Variants in STK24 observed in about 807,000 individuals in gnomAD.
STK24 encodes serine/threonine-protein kinase 24.
STK24 carries 21 observed loss-of-function variants against 55.6 expected under a neutral mutation model. That is an observed-to-expected ratio of 0.38 (90% CI 0.27 to 0.54). STK24 has a LOEUF of 0.54. Among genes scored for constraint, STK24 ranks in the 20% least tolerant of loss-of-function variants. STK24 has a pLI of 0.79. For synonymous variants in STK24, 200 were observed against 215.2 expected (o/e 0.93, Z 0.62); for missense variants, 383 against 538.4 (o/e 0.71, Z 2.86).
At chr13:98,551,254 C>G (rs1266432479) in intron 1 of STK24, among the ~76,000 whole-genome samples, 4 of 150,676 alleles carry the variant, frequency 2.7e-5, no homozygotes, top group African/African-American at 7.4e-5. Flanking sequence ...CCACTGCACT[C>G]TAGCCTGGGC....
chr13:98,540,972 C>A (rs1896872947), intron 1 of STK24, among the ~76,000 whole-genome samples: 1 of 152,082 alleles, frequency 6.6e-6, no homozygotes, highest in Admixed American at 6.5e-5. Context: ...TATTGGGCAT[C>A]TGAAGGAACT....
intron 1 of STK24, among the ~76,000 whole-genome samples, chr13:98,569,852 G>GA (rs56223563): frequency 0.18 from 24,687 of 136,388 alleles, 2,470 homozygotes; most frequent in Non-Finnish European, 0.24. Context: ...CTGAAACCAG[G>GA]AAAAAAAAAA....
intron 2 of STK24, among the ~76,000 whole-genome samples, chr13:98,508,430 G>A (rs532727673): frequency 1.3e-5 from 2 of 152,320 alleles, no homozygotes; most frequent in South Asian, 2.1e-4. Flanking sequence ...TAAACAGCAA[G>A]AGTATTTGCC....
intron 1 of STK24, among the ~76,000 whole-genome samples, chr13:98,562,175 C>A (rs1397990110): frequency 1.3e-5 from 2 of 152,024 alleles, no homozygotes; most frequent in Non-Finnish European, 2.9e-5. Flanking sequence ...AATGTGTGTA[C>A]GCAGACAACT....
chr13:98,572,326 C>T (rs189423611), intron 1 of STK24, among the ~76,000 whole-genome samples: 33 of 152,258 alleles, frequency 2.2e-4, no homozygotes, highest in Non-Finnish European at 4.1e-4. Flanking sequence ...TCCGAACCCA[C>T]GTCTCGGATG....
At chr13:98,462,014 TC>T in intron 7 of STK24, 117 bp from the exon 8 acceptor site, 1 of 1,286,966 alleles carries the variant, frequency 7.8e-7, no homozygotes, top group Non-Finnish European at 1.1e-6. Flanking sequence ...CAGCCCCAAG[TC>T]CCCACCCATC....
chr13:98,532,815 C>T (rs1486832962), intron 1 of STK24, among the ~76,000 whole-genome samples: 5 of 152,318 alleles, frequency 3.3e-5, no homozygotes, highest in African/African-American at 1.2e-4. Context: ...GTAAGTTCTT[C>T]CTAGTCTGTG....
In STK24 at chr13:98,474,810, C is replaced by G. The variant is rs1361168254; in HGVS notation, c.597+11G>C. 6.2e-7 allele frequency: 1 copy of G among 1,604,326 alleles called. No homozygotes were observed. Among genetic ancestry groups the G allele is most frequent in the African/African-American group, 1.3e-5 (1 of 74,604 alleles). ...TCGTGAGGCACGGCGCCGCCCTCAC[C>G]CTCCCCTCACCTTCGAGTCATAGGC... On this transcript the variant is annotated intron_variant, in intron 5 of 10. Coordinates refer to ENST00000539966, the MANE Select transcript of STK24 (RefSeq NM_001032296.4).
intron 1 of STK24, among the ~76,000 whole-genome samples, chr13:98,564,496 A>C (rs61392283): frequency 0.032 from 4,890 of 152,314 alleles, 240 homozygotes; most frequent in African/African-American, 0.11. Flanking sequence ...GGAGGAGCAC[A>C]GGGAGCTGAG....
At chr13:98,509,904 AC>A (rs1461046762) in intron 2 of STK24, among the ~76,000 whole-genome samples, 1 of 152,184 alleles carries the variant, frequency 6.6e-6, no homozygotes, top group Non-Finnish European at 1.5e-5. Flanking sequence ...AGGACAGAGG[AC>A]TGCCTCCTGC....
rs185305691 is a variant in STK24 at position 98,496,229 on chromosome 13, T to A, written c.274-13908A>T. Among the ~76,000 whole-genome samples, 42 of 152,192 alleles carry A rather than the reference T, an allele frequency of 2.8e-4. No homozygotes were observed. In the East Asian group the frequency reaches 7.3e-3, roughly 27 times the overall value. On this transcript the variant is annotated intron_variant, in intron 2 of 10. Transcript: ENST00000539966. ...AAGCATGCTCGTAAGAACCAGAGAA[T>A]CCTCATGTTTGGAATAAACAAGTCA...
chr13:98,538,894 C>T (rs913850472), intron 1 of STK24, among the ~76,000 whole-genome samples: 2 of 152,164 alleles, frequency 1.3e-5, no homozygotes, highest in Non-Finnish European at 2.9e-5. Flanking sequence ...CTGAGAAAAC[C>T]ACAGAAAAGA....
intron 1 of STK24, among the ~76,000 whole-genome samples, chr13:98,574,106 G>A (rs920387343): frequency 2.0e-5 from 3 of 152,126 alleles, no homozygotes; most frequent in African/African-American, 7.2e-5. Flanking sequence ...CCGCCTCCCG[G>A]GTTCAAGTGA....
rs1893274585 is a variant in STK24 at position 98,453,114 on chromosome 13, AAAG to A, written c.*56_*58del. ...GCGAAGGCTCTCGTTGACTTTTAAA[AAAG>A]GAGGAGGATGAAGAAGGAAAAAAGG... On this transcript the variant is annotated 3_prime_UTR_variant, in exon 11 of 11. Transcript: ENST00000539966. The A allele has an allele frequency of 8.8e-6, 14 of 1,599,282 alleles. No homozygotes were observed. Among genetic ancestry groups the A allele is most frequent in the Middle Eastern group, 1.8e-4 (1 of 5,624 alleles).
rs1399623240 is a variant in STK24 at position 98,446,656 on chromosome 13, C to T, written c.*6517G>A. On this transcript the variant is annotated 3_prime_UTR_variant, in exon 11 of 11. Coordinates refer to ENST00000539966, the MANE Select transcript of STK24 (RefSeq NM_001032296.4). ...CCGAAAAGCCACTTTGCTTTGTTTC[C>T]CCTTTCCAGGACAATCATCCCCTTG... The T allele has an allele frequency of 1.2e-6, 2 of 1,613,740 alleles. No individual in the cohort carries two copies. Among genetic ancestry groups the T allele is most frequent in the South Asian group, 2.2e-5 (2 of 91,050 alleles).
chr13:98,499,725 G>A (rs1895378171), intron 2 of STK24, among the ~76,000 whole-genome samples: 1 of 152,160 alleles, frequency 6.6e-6, no homozygotes, highest in Non-Finnish European at 1.5e-5. Flanking sequence ...CGGAAGCACT[G>A]GAAGCCCTGA....
Position 98,476,247 on chromosome 13 carries a change from C to CG in STK24, c.331-890_331-889insC, listed in dbSNP as rs1011411960. Reference sequence around the variant, plus strand: ...CTTCAAACCAGACGGGAAGCCCCCCCCCGCCCCCTGCAGAGTGGGGCAGTC... The same window carrying CG: ...CTTCAAACCAGACGGGAAGCCCCCCCGCCGCCCCCTGCAGAGTGGGGCAGTC... On this transcript the variant is annotated intron_variant, in intron 3 of 10. Coordinates refer to ENST00000539966, the MANE Select transcript of STK24 (RefSeq NM_001032296.4). Among the ~76,000 whole-genome samples the CG allele has an allele frequency of 3.5e-3, 514 of 147,544 alleles. 4 individuals are homozygous for CG. The highest frequency in any genetic ancestry group is 0.012 in the African/African-American group (491 of 40,914).
chr13:98,575,426 CACAT>C (rs1897861692), intron 1 of STK24, among the ~76,000 whole-genome samples: 1 of 150,500 alleles, frequency 6.6e-6, no homozygotes, highest in South Asian at 2.1e-4. Context: ...CACACACACA[CACAT>C]ATACACACAC....
chr13:98,574,156 C>T (rs1194807770), intron 1 of STK24, among the ~76,000 whole-genome samples: 2 of 152,116 alleles, frequency 1.3e-5, no homozygotes, highest in South Asian at 2.1e-4. Context: ...GGATTACAGG[C>T]GTGTGCCACC....
Sources: allele counts gnomAD v4.1 joint callset (sites outside exome capture counted in the v4.1 genomes callset), GRCh38; gene constraint gnomAD v4.1.1; transcripts MANE v1.5; gene names NCBI Gene and HGNC (gene_info 2026-07-23, HGNC 2026-07-21).